Variants in MARVELD2 observed in about 807,000 individuals in gnomAD.
MARVELD2 encodes MARVEL domain containing 2.
A neutral mutation model predicts 57.6 loss-of-function variants in MARVELD2; 49 were observed. The ratio of observed to expected loss-of-function variants is 0.85; its 90% confidence interval spans 0.68 to 1.08. The LOEUF is 1.08. Ranked by LOEUF, MARVELD2 falls within the 50% of genes least tolerant of loss-of-function variation. MARVELD2 has a pLI of 0.00. For synonymous variants in MARVELD2, 238 were observed against 258.8 expected (o/e 0.92, Z 0.77); for missense variants, 606 against 701.1 (o/e 0.86, Z 1.53).
At chr5:69,429,011 C>G (rs970444357) in intron 3 of MARVELD2, among the ~76,000 whole-genome samples, 1 of 152,156 alleles carries the variant, frequency 6.6e-6, no homozygotes, top group Non-Finnish European at 1.5e-5. Flanking sequence ...AGAAATACAG[C>G]AGAATAAATA....
In MARVELD2 at chr5:69,444,278, G is replaced by C. The variant is rs1046694053; in HGVS notation, c.*2624G>C. The stretch of plus-strand genomic sequence containing the variant: ...TCCTGTGTTCACTGTGCATGTTCTT[G>C]AAAATATTTTCACTTGTCAGAAAAT... On this transcript the variant is annotated 3_prime_UTR_variant, in exon 7 of 7. Coordinates refer to ENST00000325631, the MANE Select transcript of MARVELD2 (RefSeq NM_001038603.3). 6.6e-6 allele frequency: 1 copy of C among 151,988 alleles called. No homozygotes were observed. Among genetic ancestry groups the C allele is most frequent in the African/African-American group, 2.4e-5 (1 of 41,378 alleles). 9.4% of individuals were successfully genotyped at this position (151,988 alleles called of 1,614,324 possible).
chr5:69,423,328 G>A (rs1339389590), intron 2 of MARVELD2, among the ~76,000 whole-genome samples: 2 of 152,130 alleles, frequency 1.3e-5, no homozygotes, highest in Non-Finnish European at 2.9e-5. Context: ...CACAATCATG[G>A]CTCACTCCAG....
intron 5 of MARVELD2, among the ~76,000 whole-genome samples, chr5:69,437,055 G>A (rs544154145): frequency 6.6e-6 from 1 of 151,978 alleles, no homozygotes; most frequent in East Asian, 1.9e-4. Context: ...CAGGCATGGT[G>A]GTGTGTGCCT....
At chr5:69,418,372 A>G (rs985814036) in intron 1 of MARVELD2, among the ~76,000 whole-genome samples, 1 of 152,208 alleles carries the variant, frequency 6.6e-6, no homozygotes, top group African/African-American at 2.4e-5. Context: ...CAGAGCATTG[A>G]TTTCATGAAT....
Position 69,442,609 on chromosome 5 carries a change from A to G in MARVELD2, c.*955A>G, listed in dbSNP as rs1767357809. 1 of 152,330 alleles carries G rather than the reference A, an allele frequency of 6.6e-6. No individual in the cohort carries two copies. Among genetic ancestry groups the G allele is most frequent in the African/African-American group, 2.4e-5 (1 of 41,578 alleles). 9.4% of individuals were successfully genotyped at this position (152,330 alleles called of 1,614,324 possible). A position where few individuals can be genotyped will look rare whatever the true frequency, so the allele number is the denominator to read the frequency against. On this transcript the variant is annotated 3_prime_UTR_variant, in exon 7 of 7. Coordinates refer to ENST00000325631, the MANE Select transcript of MARVELD2 (RefSeq NM_001038603.3). Reference sequence around the variant, plus strand: ...AATGAGTCTCAAGAAAAGGTCCTTAATGAGCAAGCCCAACCTACTTAACCA... The same window carrying G: ...AATGAGTCTCAAGAAAAGGTCCTTAGTGAGCAAGCCCAACCTACTTAACCA...
chr5:69,440,580 C>A, intron 6 of MARVELD2, 80 bp downstream of exon 6: 2 of 838,288 alleles, frequency 2.4e-6, no homozygotes, highest in Non-Finnish European at 4.0e-6. Flanking sequence ...ATTCTGTTAG[C>A]TAAAATAGTT....
At position 69,442,250 on chromosome 5, in the gene MARVELD2, G is replaced by T. The variant is rs545533825; in HGVS notation, c.*596G>T. The T allele has an allele frequency of 5.9e-5, 9 of 152,226 alleles. No homozygotes were observed. The highest frequency in any genetic ancestry group is 5.2e-4 in the Admixed American group (8 of 15,272). 9.4% of individuals were successfully genotyped at this position (152,226 alleles called of 1,614,324 possible). On this transcript the variant is annotated 3_prime_UTR_variant, in exon 7 of 7. Coordinates refer to ENST00000325631, the MANE Select transcript of MARVELD2 (RefSeq NM_001038603.3). Reference sequence around the variant, plus strand: ...ACTTTTTCCTTTTTTACTCAGGCAGGTTCCTAGGATTTTTCTGGGACAAAT... The same window carrying T: ...ACTTTTTCCTTTTTTACTCAGGCAGTTTCCTAGGATTTTTCTGGGACAAAT...
chr5:69,420,262 GAATTTGGAATT>G lies in MARVELD2; in HGVS notation c.880_890del (p.Phe294ArgfsTer17), dbSNP rs770042200. The G allele has an allele frequency of 4.3e-6, 7 of 1,614,148 alleles. No individual in the cohort carries two copies. The highest frequency in any genetic ancestry group is 5.9e-6 in the Non-Finnish European group (7 of 1,180,038). Reference sequence around the variant, plus strand: ...GGACTCTAATTGGTGGCCCCTAACTGAATTTGGAATTAACGTTGCCTTGTTTATTTTGTATA... The same window carrying G: ...GGACTCTAATTGGTGGCCCCTAACTGAACGTTGCCTTGTTTATTTTGTATA... On this transcript the variant is annotated frameshift_variant, in exon 2 of 7. Coordinates refer to ENST00000325631, the MANE Select transcript of MARVELD2 (RefSeq NM_001038603.3). LOFTEE classifies it high-confidence loss of function.
intron 3 of MARVELD2, among the ~76,000 whole-genome samples, chr5:69,432,033 C>T (rs1766980331): frequency 6.6e-6 from 1 of 150,414 alleles, no homozygotes; most frequent in South Asian, 2.1e-4. Flanking sequence ...TTTTTTTAAA[C>T]AGAGTCTCAG....
At chr5:69,434,268 A>T (rs529218058) in intron 5 of MARVELD2, among the ~76,000 whole-genome samples, 1 of 152,260 alleles carries the variant, frequency 6.6e-6, no homozygotes, top group African/African-American at 2.4e-5. Context: ...ATGCAAGACC[A>T]GCCTGGACAA....
chr5:69,437,403 A>T (rs1037026511), intron 5 of MARVELD2, among the ~76,000 whole-genome samples: 6 of 111,024 alleles, frequency 5.4e-5, no homozygotes, highest in African/African-American at 2.0e-4. Flanking sequence ...AAAAAAAAAA[A>T]GCTGGGTGCG....
intron 2 of MARVELD2, among the ~76,000 whole-genome samples, chr5:69,420,746 T>C (rs925433692): frequency 1.3e-5 from 2 of 152,156 alleles, no homozygotes; most frequent in Non-Finnish European, 2.9e-5. Flanking sequence ...TGTTTGGCTG[T>C]TACATAACAT....
chr5:69,439,246 C>T (rs1431469534), intron 5 of MARVELD2, among the ~76,000 whole-genome samples: 1 of 151,578 alleles, frequency 6.6e-6, no homozygotes, highest in Admixed American at 6.6e-5. Flanking sequence ...CTGCAACCTC[C>T]GCCTCCTGGG....
At chr5:69,420,631 T>A in intron 2 of MARVELD2, 100 bp downstream of exon 2, 1 of 1,183,704 alleles carries the variant, frequency 8.4e-7, no homozygotes, top group Non-Finnish European at 1.2e-6. Context: ...CAGAAAGCTT[T>A]CATAGAAATC....
intron 5 of MARVELD2, among the ~76,000 whole-genome samples, chr5:69,437,118 G>T (rs1334514180): frequency 2.4e-4 from 36 of 151,144 alleles, no homozygotes; most frequent in African/African-American, 8.5e-4. Context: ...GAACCCGGGA[G>T]TCGGAGGTTG....
chr5:69,424,493 G>A, intron 2 of MARVELD2, 108 bp from the exon 3 acceptor site: 1 of 894,972 alleles, frequency 1.1e-6, no homozygotes, highest in South Asian at 1.4e-5. Context: ...TCAAGTAGAG[G>A]ATCAACCTCT....
chr5:69,437,817 G>C (rs1049840890), intron 5 of MARVELD2, among the ~76,000 whole-genome samples: 19 of 152,100 alleles, frequency 1.2e-4, no homozygotes, highest in African/African-American at 4.1e-4. Flanking sequence ...AAATCAAGAG[G>C]GTCCTGATGA....
chr5:69,427,091 G>A (rs1369686260), intron 3 of MARVELD2, among the ~76,000 whole-genome samples: 3 of 152,036 alleles, frequency 2.0e-5, no homozygotes, highest in Non-Finnish European at 4.4e-5. Flanking sequence ...TTAATACTAG[G>A]GGGTGCCTTC....
At chr5:69,427,342 A>T (rs1276711230) in intron 3 of MARVELD2, among the ~76,000 whole-genome samples, 1 of 152,088 alleles carries the variant, frequency 6.6e-6, no homozygotes, top group Non-Finnish European at 1.5e-5. Flanking sequence ...GGGAGAGAGA[A>T]TCAAGAATTG....
Sources: allele counts gnomAD v4.1 joint callset (sites outside exome capture counted in the v4.1 genomes callset), GRCh38; gene constraint gnomAD v4.1.1; transcripts MANE v1.5; gene names NCBI Gene and HGNC (gene_info 2026-07-23, HGNC 2026-07-21).